The following BOLL variants were observed in gnomAD, a reference collection of about 807,000 sequenced individuals.
BOLL encodes boule RNA binding protein.
Under a neutral mutation model 44.4 loss-of-function variants are expected in BOLL, and 23 were observed. The ratio of observed to expected loss-of-function variants is 0.52; its 90% CI spans 0.37 to 0.73. BOLL has a LOEUF of 0.73. BOLL is among the 30% of genes least tolerant of loss of function. BOLL has a pLI of 0.00. For missense variants in BOLL, 287 were observed against 338.3 expected, an observed-to-expected ratio of 0.85 and a Z score of 1.19; for synonymous variants, 97 against 110.8, an observed-to-expected ratio of 0.88 and a Z score of 0.78.
upstream of BOLL, chr2:197,786,027 GC>G (rs766869790): frequency 6.2e-7 from 1 of 1,609,870 alleles, no homozygotes; most frequent in Non-Finnish European, 8.5e-7. This position sits in a 1 kb window ranked among gnomAD's most constrained non-coding sequence, Gnocchi z 5.9. Context: ...CTTCAGAGAC[GC>G]GGGGTAGGGA....
In BOLL at chr2:197,735,461, G is replaced by A. The variant is rs1194625652; in HGVS notation, c.829-6883C>T. On this transcript the variant is annotated intron_variant, in intron 10 of 10. Transcript: ENST00000392296. ...TCACCTCAGTCTTTTTTGATTCTAC[G>A]TTCTGAAAACTTTTGCCTGTAATAT... Among the ~76,000 whole-genome samples, 10 of 151,320 alleles carry A rather than the reference G, an allele frequency of 6.6e-5. No individual in the cohort carries two copies. In the East Asian group the frequency reaches 9.6e-4, roughly 15 times the overall value.
intron 10 of BOLL, among the ~76,000 whole-genome samples, chr2:197,736,372 A>C (rs1024778570): frequency 1.3e-4 from 20 of 152,134 alleles, no homozygotes; most frequent in African/African-American, 4.8e-4. Flanking sequence ...GAGACATGAC[A>C]AATTAATGTA....
intron 7 of BOLL, among the ~76,000 whole-genome samples, chr2:197,758,692 T>C (rs1239569665): frequency 2.0e-5 from 3 of 152,220 alleles, no homozygotes; most frequent in African/African-American, 4.8e-5. Flanking sequence ...GGCATTATAG[T>C]TCACTTATCC....
chr2:197,757,521 C>A (rs1330446120), intron 7 of BOLL, 121 bp from the exon 8 acceptor site: 4 of 754,586 alleles, frequency 5.3e-6, no homozygotes, highest in Non-Finnish European at 8.4e-6. Context: ...TTAACTCAAG[C>A]CATATACAAA....
chr2:197,782,292 A>G (rs2106396170), intron 1 of BOLL, among the ~76,000 whole-genome samples: 1 of 152,306 alleles, frequency 6.6e-6, no homozygotes, highest in South Asian at 2.1e-4. Context: ...CACCAACATC[A>G]GACAAAGTCA....
intron 7 of BOLL, among the ~76,000 whole-genome samples, chr2:197,760,471 C>T (rs1036891341): frequency 6.6e-6 from 1 of 152,232 alleles, no homozygotes; most frequent in African/African-American, 2.4e-5. Context: ...CAGGCTGCCT[C>T]TGGTGGGCAC....
intron 1 of BOLL, among the ~76,000 whole-genome samples, chr2:197,783,234 T>G (rs1474615434): frequency 6.6e-6 from 1 of 152,120 alleles, no homozygotes; most frequent in East Asian, 1.9e-4. Context: ...GCAGGAGGAT[T>G]GCTTGAGATC....
At chr2:197,770,992 TACTGGGTATATACCCATAGGATTATAA>T (rs1019054799) in intron 6 of BOLL, among the ~76,000 whole-genome samples, 1 of 152,148 alleles carries the variant, frequency 6.6e-6, no homozygotes, top group Non-Finnish European at 1.5e-5. Flanking sequence ...GCCATCCCAT[TACTGGGTATATACCCATAGGATTATAA>T]ATCATGCTGC....
At chr2:197,733,380 T>C (rs1220699718) in intron 10 of BOLL, among the ~76,000 whole-genome samples, 1 of 148,940 alleles carries the variant, frequency 6.7e-6, no homozygotes, top group African/African-American at 2.5e-5. Flanking sequence ...AAAATGGCCA[T>C]ACTGCCCAAG....
chr2:197,743,176 G>A lies in BOLL; in HGVS notation c.730-17C>T, dbSNP rs1238413628. On this transcript the variant is annotated splice_polypyrimidine_tract_variant and intron_variant, in intron 9 of 10. Coordinates refer to ENST00000392296, the MANE Select transcript of BOLL (RefSeq NM_033030.6). ...AGAATAAGGCTATTACAAAAAAAGA[G>A]AGAAAAAATGTCACCTTTCATCTAT... The A allele has an allele frequency of 3.9e-6, 6 of 1,524,178 alleles. No homozygotes were observed. The highest frequency in any genetic ancestry group is 2.0e-5 in the Admixed American group (1 of 49,196). The allele number at this position is 1,524,178 out of a possible 1,614,324, so 94.4% of individuals were successfully genotyped here. A position where few individuals can be genotyped will look rare whatever the true frequency, so the allele number is the denominator to read the frequency against.
intron 9 of BOLL, among the ~76,000 whole-genome samples, chr2:197,745,671 A>G (rs761068692): frequency 6.6e-6 from 1 of 152,358 alleles, no homozygotes; most frequent in Non-Finnish European, 1.5e-5. Context: ...AAATGCCATC[A>G]TCAATTAAAG....
intron 6 of BOLL, among the ~76,000 whole-genome samples, chr2:197,767,564 G>T (rs917572877): frequency 6.6e-6 from 1 of 151,924 alleles, no homozygotes; most frequent in Non-Finnish European, 1.5e-5. Flanking sequence ...TAACAAACAT[G>T]GTAGAAAATG....
intron 10 of BOLL, among the ~76,000 whole-genome samples, chr2:197,731,783 C>T (rs1172755449): frequency 4.6e-5 from 7 of 151,506 alleles, no homozygotes; most frequent in Non-Finnish European, 8.8e-5. Context: ...AAAGACACAA[C>T]ATACCAGAAT....
intron 4 of BOLL, among the ~76,000 whole-genome samples, chr2:197,776,347 C>T (rs1316911383): frequency 6.6e-6 from 1 of 151,808 alleles, no homozygotes; most frequent in Non-Finnish European, 1.5e-5. Context: ...TGCTATTGGC[C>T]ATGGCTTCAA....
intron 9 of BOLL, 151 bp from the exon 10 acceptor site, chr2:197,743,310 G>T (rs1023796460): frequency 1.8e-5 from 9 of 486,600 alleles, no homozygotes; most frequent in Middle Eastern, 7.5e-4. Context: ...ATAATCTGAT[G>T]AGTTAATATA....
chr2:197,732,761 C>T (rs1340104995), intron 10 of BOLL, among the ~76,000 whole-genome samples: 3 of 143,946 alleles, frequency 2.1e-5, no homozygotes, highest in Non-Finnish European at 3.1e-5. Context: ...AATTCAACAA[C>T]CCTTCATGCT....
Position 197,743,046 on chromosome 2 carries a change from A to G in BOLL, c.828+15T>C. 6.5e-7 allele frequency: 1 copy of G among 1,544,080 alleles called. No individual in the cohort carries two copies. The highest frequency in any genetic ancestry group is 8.7e-7 in the Non-Finnish European group (1 of 1,143,714). ...GGAAGAAAAACAAAGTAAAAAGTCA[A>G]AACAAATTTCTTACTTTAATTGGCT... On this transcript the variant is annotated intron_variant, in intron 10 of 10. Transcript: ENST00000392296.
At chr2:197,733,798 C>T (rs1476543237) in intron 10 of BOLL, among the ~76,000 whole-genome samples, 4 of 152,060 alleles carry the variant, frequency 2.6e-5, no homozygotes, top group African/African-American at 4.8e-5. Flanking sequence ...TTACACCTTA[C>T]ACAAGAATTA....
At chr2:197,747,350 G>A (rs1454946005) in intron 9 of BOLL, among the ~76,000 whole-genome samples, 1 of 152,042 alleles carries the variant, frequency 6.6e-6, no homozygotes, top group South Asian at 2.1e-4. Context: ...TTGGGAGGCC[G>A]AGGCAGGCTG....
Sources: allele counts gnomAD v4.1 joint callset (sites outside exome capture counted in the v4.1 genomes callset), GRCh38; gene constraint gnomAD v4.1.1; non-coding constraint Gnocchi (gnomAD v3.1); transcripts MANE v1.5; gene names NCBI Gene and HGNC (gene_info 2026-07-23, HGNC 2026-07-21).